Variants in HDAC9 observed in about 807,000 individuals in gnomAD.
HDAC9 encodes the protein MEF-2 interacting transcription repressor (MITR) protein.
Under a neutral mutation model 139.4 loss-of-function variants are expected in HDAC9, and 41 were observed. The ratio of observed to expected loss-of-function variants is 0.29; its 90% CI spans 0.23 to 0.38. The LOEUF is 0.38. HDAC9 is among the 10% of genes least tolerant of loss of function. HDAC9 has a pLI of 1.00. For synonymous variants in HDAC9, 517 were observed against 476.2 expected (o/e 1.09, Z -1.12); for missense variants, 1,147 against 1,297.0 (o/e 0.88, Z 1.78).
At chr7:18,438,020 G>A (rs1178546030) in intron 1 of HDAC9, among the ~76,000 whole-genome samples, 1 of 150,844 alleles carries the variant, frequency 6.6e-6, no homozygotes, top group Non-Finnish European at 1.5e-5. Flanking sequence ...ACATGTCTTG[G>A]ACATCTTTAT....
At chr7:18,185,622 C>A (rs934819643) in intron 2 of HDAC9, among the ~76,000 whole-genome samples, 1 of 151,918 alleles carries the variant, frequency 6.6e-6, no homozygotes, top group Non-Finnish European at 1.5e-5. Context: ...TAAAAAGCCC[C>A]TTTTTTTTCT....
intron 6 of HDAC9, among the ~76,000 whole-genome samples, chr7:18,619,963 C>T (rs796409855): frequency 1.3e-5 from 2 of 152,142 alleles, no homozygotes. Context: ...TCTGCTTATA[C>T]CTATCACGTG....
At chr7:18,256,027 T>C (rs1483011694) in intron 2 of HDAC9, among the ~76,000 whole-genome samples, 1 of 152,008 alleles carries the variant, frequency 6.6e-6, no homozygotes, top group African/African-American at 2.4e-5. Flanking sequence ...TTCATGATTA[T>C]TGTTGTTTCT....
chr7:18,519,275 TG>T (rs1804218665), intron 2 of HDAC9, among the ~76,000 whole-genome samples: 2 of 152,202 alleles, frequency 1.3e-5, no homozygotes, highest in Admixed American at 6.5e-5. Context: ...ATTGTTGACT[TG>T]GTATTCTTCG....
At chr7:18,631,538 T>G (rs76118783) in intron 7 of HDAC9, among the ~76,000 whole-genome samples, 1 of 152,036 alleles carries the variant, frequency 6.6e-6, no homozygotes, top group Non-Finnish European at 1.5e-5. Context: ...ATCAGAGCAG[T>G]TCAGTTGCTT....
In HDAC9 at chr7:18,371,969, A is replaced by T. The variant is rs946818843; in HGVS notation, c.-42+81454A>T. Among the ~76,000 whole-genome samples the T allele has an allele frequency of 2.0e-5, 3 of 152,308 alleles. No homozygotes were observed. The South Asian group carries it at 6.2e-4, about 32-fold the overall frequency. On this transcript the variant is annotated intron_variant, in intron 1 of 3. Coordinates refer to the HDAC9 transcript ENST00000413509. ...GCTTCTCGAGGTAATGACAGATCTTATGCTAACTTAGGGACCCTTTGGATT... is the reference window on the plus strand; with the variant it reads ...GCTTCTCGAGGTAATGACAGATCTTTTGCTAACTTAGGGACCCTTTGGATT...
chr7:18,731,655 TG>T (rs1786055758), intron 13 of HDAC9, among the ~76,000 whole-genome samples: 1 of 152,212 alleles, frequency 6.6e-6, no homozygotes, highest in East Asian at 1.9e-4. Context: ...GACGGAGTTT[TG>T]CTCTTGTTGC....
chr7:18,626,541 G>T (rs1021525442), intron 6 of HDAC9, among the ~76,000 whole-genome samples: 1 of 152,164 alleles, frequency 6.6e-6, no homozygotes, highest in African/African-American at 2.4e-5. Context: ...TTTGACTCCA[G>T]GCACAATGAA....
chr7:18,222,932 A>G lies in HDAC9; in HGVS notation c.25+60583A>G, dbSNP rs1015158256. Among the ~76,000 whole-genome samples the G allele has an allele frequency of 2.0e-5, 3 of 152,312 alleles. No homozygotes were observed. In the East Asian group the frequency reaches 5.8e-4, roughly 29 times the overall value. ...AAGGTAATGCATATTTTAAACTTCA[A>G]TATATGTTCATAAACTGCTCTCTAA... On this transcript the variant is annotated intron_variant, in intron 2 of 12. Transcript: ENST00000417496.
chr7:18,880,424 T>C (rs1159450036), intron 22 of HDAC9, among the ~76,000 whole-genome samples: 1 of 152,126 alleles, frequency 6.6e-6, no homozygotes, highest in Non-Finnish European at 1.5e-5. Context: ...CCATCAATGA[T>C]TGACTGAACA....
intron 24 of HDAC9, among the ~76,000 whole-genome samples, chr7:18,973,149 G>C (rs1185662145): frequency 2.0e-5 from 3 of 152,108 alleles, no homozygotes; most frequent in Non-Finnish European, 2.9e-5. Flanking sequence ...GTTGTCACCA[G>C]GGTTAAATAA....
At chr7:18,591,468 T>G in intron 4 of HDAC9, 48 bp from the exon 5 acceptor site, 1 of 1,476,028 alleles carries the variant, frequency 6.8e-7, no homozygotes, top group South Asian at 1.3e-5. Flanking sequence ...TCTGTTTCTG[T>G]GTGTGTATGT....
intron 1 of HDAC9, among the ~76,000 whole-genome samples, chr7:18,344,920 T>C (rs1350220191): frequency 6.6e-6 from 1 of 152,072 alleles, no homozygotes; most frequent in South Asian, 2.1e-4. Flanking sequence ...CAGTCTTTAA[T>C]GAACAAATCT....
At position 18,654,769 on chromosome 7, in the gene HDAC9, C is replaced by T. The variant is rs573039530; in HGVS notation, c.1467+6086C>T. 1.4e-4 allele frequency among the ~76,000 whole-genome samples: 22 copies of T among 152,164 alleles called. No homozygotes were observed. The South Asian group carries it at 3.7e-3, about 26-fold the overall frequency. The stretch of plus-strand genomic sequence containing the variant: ...TTCTTTTGCACCGGTTTAGATTTGC[C>T]ACGATGAAGAAATCCCCTTTCCCAG... On this transcript the variant is annotated intron_variant, in intron 11 of 25. Coordinates refer to ENST00000686413, the MANE Select transcript of HDAC9 (RefSeq NM_178425.4).
At chr7:18,567,570 A>G (rs1701578974) in intron 2 of HDAC9, among the ~76,000 whole-genome samples, 1 of 152,188 alleles carries the variant, frequency 6.6e-6, no homozygotes, top group African/African-American at 2.4e-5. Context: ...AGCAGAAGCC[A>G]TTTGATTCAG....
At chr7:18,539,759 G>A (rs926912972) in intron 2 of HDAC9, among the ~76,000 whole-genome samples, 8 of 152,002 alleles carry the variant, frequency 5.3e-5, no homozygotes, top group South Asian at 2.1e-4. Context: ...GTTAGGGTAC[G>A]GGGAGCATAA....
chr7:18,389,305 A>G (rs117431064), intron 1 of HDAC9, among the ~76,000 whole-genome samples: 3,320 of 152,310 alleles, frequency 0.022, 61 homozygotes, highest in East Asian at 0.071. Flanking sequence ...GATAATCACA[A>G]TAATATTTTA....
At chr7:18,970,500 C>G (rs1784178084) in intron 24 of HDAC9, among the ~76,000 whole-genome samples, 1 of 152,086 alleles carries the variant, frequency 6.6e-6, no homozygotes, top group African/African-American at 2.4e-5. Flanking sequence ...CCCCATTTAG[C>G]CTCAAAATAG....
intron 22 of HDAC9, among the ~76,000 whole-genome samples, chr7:18,924,227 T>G (rs563208873): frequency 6.6e-6 from 1 of 152,272 alleles, no homozygotes; most frequent in East Asian, 1.9e-4. Flanking sequence ...GCAAATATTC[T>G]TTAAGTATTT....
Sources: gnomAD v4.1 joint callset for allele counts (sites outside exome capture counted in the v4.1 genomes callset) on GRCh38, gnomAD v4.1.1 for gene constraint, MANE v1.5 for transcripts, NCBI Gene and HGNC (gene_info 2026-07-23, HGNC 2026-07-21) for gene names.